GALNT17: variants seen among roughly 807,000 people sequenced by gnomAD.
GALNT17 encodes polypeptide N-acetylgalactosaminyltransferase 17.
GALNT17 carries 29 observed loss-of-function variants against 63.7 expected under a neutral mutation model. That is an observed-to-expected ratio of 0.46 (90% CI 0.34 to 0.62). The LOEUF (loss-of-function observed/expected upper bound fraction) is 0.62. Ranked by LOEUF, GALNT17 falls within the 20% of genes least tolerant of loss-of-function variation. The pLI is 0.01. For missense variants in GALNT17, 603 were observed against 799.6 expected (o/e 0.75, Z 2.97); for synonymous variants, 305 against 318.3 (o/e 0.96, Z 0.45).
chr7:71,175,244 A>C (rs536869678), intron 1 of GALNT17, among the ~76,000 whole-genome samples: 1 of 151,848 alleles, frequency 6.6e-6, no homozygotes, highest in African/African-American at 2.4e-5. Context: ...CCACACTTCC[A>C]TCCATCTGTC....
At chr7:71,175,109 C>T (rs965015645) in intron 1 of GALNT17, among the ~76,000 whole-genome samples, 8 of 152,004 alleles carry the variant, frequency 5.3e-5, no homozygotes, top group Non-Finnish European at 8.8e-5. Flanking sequence ...TCTGTCTGTC[C>T]GTCCATTCAT....
Position 71,562,673 on chromosome 7 carries a change from T to C in GALNT17, c.963-8612T>C, listed in dbSNP as rs555095222. On this transcript the variant is annotated intron_variant, in intron 5 of 10. Transcript: ENST00000333538. ...AGTGATGGGAAACCTCATCTGTCAG[T>C]ACAGATGAAGCTTTACTCACTTGCC... Among the ~76,000 whole-genome samples, 5 of 152,282 alleles carry C rather than the reference T, an allele frequency of 3.3e-5. No homozygotes were observed. The East Asian group carries it at 9.7e-4, about 29-fold the overall frequency.
intron 1 of GALNT17, among the ~76,000 whole-genome samples, chr7:71,325,729 C>G (rs1381784251): frequency 6.6e-6 from 1 of 152,086 alleles, no homozygotes; most frequent in Non-Finnish European, 1.5e-5. Flanking sequence ...TCTTGCTGAG[C>G]GGTGATCAAC....
At chr7:71,230,970 G>A in intron 1 of GALNT17, among the ~76,000 whole-genome samples, 1 of 152,118 alleles carries the variant, frequency 6.6e-6, no homozygotes, top group Non-Finnish European at 1.5e-5. Flanking sequence ...CTCTGTGTCT[G>A]AACAAGCCCT....
intron 5 of GALNT17, among the ~76,000 whole-genome samples, chr7:71,482,616 G>A (rs868544032): frequency 2.6e-5 from 4 of 152,188 alleles, no homozygotes; most frequent in Non-Finnish European, 4.4e-5. Context: ...TTGCTGTACT[G>A]AATACTGTAG....
chr7:71,317,835 T>C (rs1791528111), intron 1 of GALNT17, among the ~76,000 whole-genome samples: 1 of 152,220 alleles, frequency 6.6e-6, no homozygotes, highest in Non-Finnish European at 1.5e-5. Context: ...TATCTGGGTC[T>C]GTTTAGATAA....
intron 6 of GALNT17, among the ~76,000 whole-genome samples, chr7:71,591,889 C>T (rs1013300674): frequency 6.6e-6 from 1 of 152,136 alleles, no homozygotes; most frequent in African/African-American, 2.4e-5. Context: ...TCTCGAAGTC[C>T]TGACCTCAGG....
intron 6 of GALNT17, among the ~76,000 whole-genome samples, chr7:71,661,305 C>T (rs7779790): frequency 0.57 from 87,006 of 151,930 alleles, 25,633 homozygotes; most frequent in East Asian, 0.73. Flanking sequence ...CCACTTTCTC[C>T]ACCTCTTTGA....
rs1490817104 is a variant in GALNT17 at position 71,215,159 on chromosome 7, C to T, written c.238+82119C>T. 1.8e-4 allele frequency among the ~76,000 whole-genome samples: 27 copies of T among 152,202 alleles called. 1 individual carries two copies. The highest frequency in any genetic ancestry group is 8.8e-5 in the Non-Finnish European group (6 of 68,044). On this transcript the variant is annotated intron_variant, in intron 1 of 10. Coordinates refer to ENST00000333538, the MANE Select transcript of GALNT17 (RefSeq NM_022479.3). ...GGGAATGAATGCCAAGTGTTCTCTG[C>T]ATAACACTGTTTGAATCTTGTAGTT... is the stretch of plus-strand genomic sequence containing the variant.
chr7:71,148,870 A>ATATATATC (rs1788078960), intron 1 of GALNT17, among the ~76,000 whole-genome samples: 1 of 133,852 alleles, frequency 7.5e-6, no homozygotes, highest in South Asian at 2.2e-4. Context: ...TTATATATAT[A>ATATATATC]TATATATATA....
intron 5 of GALNT17, among the ~76,000 whole-genome samples, chr7:71,564,582 A>G (rs565004366): frequency 8.9e-4 from 110 of 123,284 alleles, no homozygotes; most frequent in African/African-American, 3.7e-3. Flanking sequence ...CACTGCACCC[A>G]GCCAGTTAGG....
In GALNT17 at chr7:71,320,071, C is replaced by G. The variant is rs563869967; in HGVS notation, c.239-15479C>G. ...CAAAGGCTGTGGGTGGGGAAGTACA[C>G]TCAGCTCAGCAAATGATCAAGTCCA... On this transcript the variant is annotated intron_variant, in intron 1 of 10. Transcript: ENST00000333538. Among the ~76,000 whole-genome samples the G allele has an allele frequency of 6.6e-5, 10 of 152,238 alleles. No individual in the cohort carries two copies. The South Asian group carries it at 1.5e-3, about 22-fold the overall frequency.
intron 1 of GALNT17, among the ~76,000 whole-genome samples, chr7:71,231,302 A>G (rs550889261): frequency 3.3e-5 from 5 of 151,880 alleles, no homozygotes; most frequent in African/African-American, 4.8e-5. Context: ...CTTGTTTACA[A>G]TGCAGATTTC....
intron 2 of GALNT17, among the ~76,000 whole-genome samples, chr7:71,387,291 C>T (rs559098051): frequency 6.7e-6 from 1 of 150,028 alleles, no homozygotes; most frequent in South Asian, 2.2e-4. Flanking sequence ...ATTACTTTTG[C>T]ACCAACCTAA....
chr7:71,346,995 A>G (rs1330338548), intron 2 of GALNT17, among the ~76,000 whole-genome samples: 1 of 152,110 alleles, frequency 6.6e-6, no homozygotes, highest in Non-Finnish European at 1.5e-5. Context: ...GGCTTAGGAA[A>G]TGTCTTACCA....
intron 2 of GALNT17, among the ~76,000 whole-genome samples, chr7:71,354,842 G>A (rs1242209992): frequency 1.3e-5 from 2 of 152,122 alleles, no homozygotes; most frequent in Admixed American, 1.3e-4. Flanking sequence ...TTATGGGGTA[G>A]TTTCTTGATG....
intron 3 of GALNT17, among the ~76,000 whole-genome samples, chr7:71,403,976 T>G (rs1006781432): frequency 6.6e-6 from 1 of 152,228 alleles, no homozygotes; most frequent in African/African-American, 2.4e-5. Context: ...CAAATTTGAT[T>G]GCTGAAATTC....
chr7:71,164,544 A>G (rs552456735), intron 1 of GALNT17, among the ~76,000 whole-genome samples: 159 of 152,210 alleles, frequency 1.0e-3, no homozygotes, highest in Non-Finnish European at 2.0e-3. Flanking sequence ...TCCCCTTTCA[A>G]AATTAAGAGA....
chr7:71,582,615 A>T (rs1789653085), intron 6 of GALNT17, among the ~76,000 whole-genome samples: 1 of 152,102 alleles, frequency 6.6e-6, no homozygotes. Context: ...GTATATATAT[A>T]CAATGGAATA....
Sources: allele counts gnomAD v4.1 joint callset (sites outside exome capture counted in the v4.1 genomes callset), GRCh38; gene constraint gnomAD v4.1.1; transcripts MANE v1.5; gene names NCBI Gene and HGNC (gene_info 2026-07-23, HGNC 2026-07-21).